The following LGALS9C variants were observed in gnomAD, a reference collection of about 807,000 sequenced individuals.
The protein encoded by LGALS9C is galectin 9C.
In LGALS9C, 7 loss-of-function variants were observed where a neutral mutation model predicts 41.3. The observed-to-expected ratio is 0.17, with a 90% CI of 0.10 to 0.32. LGALS9C has a LOEUF of 0.32. Ranked by LOEUF, LGALS9C falls within the 10% of genes least tolerant of loss-of-function variation. The probability of loss-of-function intolerance (pLI) is 1.00; values close to 1 mark genes in which losing one functional copy is unlikely to be tolerated. For missense variants in LGALS9C, 102 were observed against 455.2 expected (o/e 0.22, Z 7.06); for synonymous variants, 44 against 171.0 (o/e 0.26, Z 5.80).
At chr17:18,478,276 G>T (rs1448967798) in intron 1 of LGALS9C, among the ~76,000 whole-genome samples, 1 of 127,860 alleles carries the variant, frequency 7.8e-6, no homozygotes, top group African/African-American at 2.5e-5. Flanking sequence ...TATTATTCTG[G>T]TAACTGGTTT....
rs1474699485 is a variant in LGALS9C, at chr17:18,492,383, T to C, written c.673-74T>C. 10 of 1,501,674 alleles carry C rather than the reference T, an allele frequency of 6.7e-6. 1 individual carries two copies. The highest frequency in any genetic ancestry group is 8.3e-6 in the Non-Finnish European group (9 of 1,089,526). 93.0% of individuals were successfully genotyped at this position (1,501,674 alleles called of 1,614,324 possible). A position where few individuals can be genotyped will look rare whatever the true frequency, so the allele number is the denominator to read the frequency against. On this transcript the variant is annotated intron_variant, in intron 8 of 10. Coordinates refer to ENST00000328114, the MANE Select transcript of LGALS9C (RefSeq NM_001040078.3). ...GCTGACAGCCTAAATTCATGGGAAC[T>C]GGTACAATCTTCCCCTTCCATGTGG...
At position 18,486,103 on chromosome 17, in the gene LGALS9C, C is replaced by T. The variant is rs1989582331; in HGVS notation, c.301C>T (p.Leu101Phe). Reference sequence around the variant, plus strand: ...CTTCCAGAAGGGGATGCCCTTTGACCTCTGCTTCCTGGTGCAGAGCTCAGA... The same window carrying T: ...CTTCCAGAAGGGGATGCCCTTTGACTTCTGCTTCCTGGTGCAGAGCTCAGA... The part of the protein sequence containing the change: ...MPFQKGMPFD[L>F]CFLVQSSDFK... Residue 101 changes from leucine (L) to phenylalanine (F), a missense_variant, in exon 3 of 11, where the codon CTC becomes TTC. Physicochemically the swap from Leu to Phe is conservative, Grantham distance 22. Coordinates refer to ENST00000328114, the MANE Select transcript of LGALS9C (RefSeq NM_001040078.3). 1 of 1,268,730 alleles carries T rather than the reference C, an allele frequency of 7.9e-7. No individual in the cohort carries two copies. The highest frequency in any genetic ancestry group is 2.2e-5 in the East Asian group (1 of 44,568). The allele number at this position is 1,268,730 out of a possible 1,614,324, so 78.6% of individuals were successfully genotyped here.
At chr17:18,477,175 G>A (rs1989237398) in intron 1 of LGALS9C, among the ~76,000 whole-genome samples, 2 of 133,294 alleles carry the variant, frequency 1.5e-5, no homozygotes, top group African/African-American at 5.0e-5. Flanking sequence ...TGTAGAGTGG[G>A]ATGGTTTGTG....
At chr17:18,488,635 C>T (rs553171926) in intron 4 of LGALS9C, among the ~76,000 whole-genome samples, 2 of 121,768 alleles carry the variant, frequency 1.6e-5, no homozygotes, top group Non-Finnish European at 4.0e-5. Context: ...CTGAGATGAG[C>T]GAAGTGCACA....
chr17:18,483,157 T>C (rs1989455382), intron 1 of LGALS9C, among the ~76,000 whole-genome samples: 1 of 122,548 alleles, frequency 8.2e-6, no homozygotes. Flanking sequence ...CCATGGCCCA[T>C]AGCTCCTTTA....
Sources: allele counts gnomAD v4.1 joint callset (sites outside exome capture counted in the v4.1 genomes callset), GRCh38; gene constraint gnomAD v4.1.1; transcripts MANE v1.5; gene names NCBI Gene and HGNC (gene_info 2026-07-23, HGNC 2026-07-21).